Variants in PIEZO2 observed in about 807,000 individuals in gnomAD.
PIEZO2 encodes the protein piezo type mechanosensitive ion channel component 2.
Under a neutral mutation model 337.3 loss-of-function variants are expected in PIEZO2, and 172 were observed. The observed-to-expected ratio is 0.51, with a 90% CI of 0.45 to 0.58. The LOEUF is 0.58. Ranked by LOEUF, PIEZO2 falls within the 20% of genes least tolerant of loss-of-function variation. The probability of loss-of-function intolerance (pLI) is 0.00; values close to 1 mark genes in which losing one functional copy is unlikely to be tolerated. For missense variants in PIEZO2, 3,028 were observed against 3,391.3 expected (o/e 0.89, Z 2.66); for synonymous variants, 1,251 against 1,228.5 (o/e 1.02, Z -0.38).
At chr18:10,776,956 G>A (rs958028120) in intron 18 of PIEZO2, among the ~76,000 whole-genome samples, 4 of 152,132 alleles carry the variant, frequency 2.6e-5, no homozygotes, top group Admixed American at 2.0e-4. Flanking sequence ...CAGGCTTCAG[G>A]CTAAGGAACT....
rs578081508 is a variant in PIEZO2 at position 11,148,230 on chromosome 18, C to T, written c.64+295G>A. ...CCTTCCAGCCACAGCAATGGCCATC[C>T]TTAGTACACAAGTCAGTACTCCACG... On this transcript the variant is annotated intron_variant, in intron 1 of 55. Transcript: ENST00000674853. This position sits in a 1 kb window ranked among gnomAD's most constrained non-coding sequence, Gnocchi z 5.2. Among the ~76,000 whole-genome samples the T allele has an allele frequency of 6.6e-6, 1 of 152,260 alleles. No homozygotes were observed. Among genetic ancestry groups the T allele is most frequent in the East Asian group, 1.9e-4 (1 of 5,152 alleles).
intron 7 of PIEZO2, among the ~76,000 whole-genome samples, chr18:10,836,283 A>C (rs2041011385): frequency 6.6e-6 from 1 of 152,156 alleles, no homozygotes; most frequent in Non-Finnish European, 1.5e-5. Context: ...TAAGCAAACA[A>C]TCCCATCCTG....
intron 3 of PIEZO2, among the ~76,000 whole-genome samples, chr18:10,946,207 C>A (rs1449343673): frequency 6.6e-6 from 1 of 152,068 alleles, no homozygotes; most frequent in African/African-American, 2.4e-5. Context: ...AATAGAAAAT[C>A]TTAACAGCAG....
chr18:11,127,717 A>G lies in PIEZO2; in HGVS notation c.64+20808T>C, dbSNP rs1000941923. Among the ~76,000 whole-genome samples, 1 of 151,526 alleles carries G rather than the reference A, an allele frequency of 6.6e-6. No individual in the cohort carries two copies. Among genetic ancestry groups the G allele is most frequent in the Non-Finnish European group, 1.5e-5 (1 of 67,950 alleles). The stretch of plus-strand genomic sequence containing the variant: ...ATATACATATATATGTCATGTATAT[A>G]TATACACACATATATATGTATGTGT... On this transcript the variant is annotated intron_variant, in intron 1 of 55. Coordinates refer to ENST00000674853, the MANE Select transcript of PIEZO2 (RefSeq NM_001378183.1). The surrounding 1 kb of genome is among the most constrained non-coding windows in gnomAD (Gnocchi z 4.5).
In PIEZO2 at chr18:10,773,669, G is replaced by T; in HGVS notation, c.2568-40C>A. 1 of 1,521,254 alleles carries T rather than the reference G, an allele frequency of 6.6e-7. No homozygotes were observed. The highest frequency in any genetic ancestry group is 8.8e-7 in the Non-Finnish European group (1 of 1,132,880). 94.2% of individuals were successfully genotyped at this position (1,521,254 alleles called of 1,614,324 possible). On this transcript the variant is annotated intron_variant, in intron 19 of 55. Coordinates refer to ENST00000674853, the MANE Select transcript of PIEZO2 (RefSeq NM_001378183.1). This position sits in a 1 kb window ranked among gnomAD's most constrained non-coding sequence, Gnocchi z 5.3. ...CAGCTGAGTCAGAAGAGGAAAGGGT[G>T]TTGGGAGAGATTTGACTGAGGGGCA...
At position 10,750,207 on chromosome 18, in the gene PIEZO2, G is replaced by C; in HGVS notation, c.4168-20C>G. ...TCCTATCTGAAAAACAAAAGAGGGG[G>C]ATAATCCTGAAGCTCTGCAGCCAGA... On this transcript the variant is annotated intron_variant, in intron 28 of 55. Transcript: ENST00000674853. This position sits in a 1 kb window ranked among gnomAD's most constrained non-coding sequence, Gnocchi z 4.1. 1 of 1,506,876 alleles carries C rather than the reference G, an allele frequency of 6.6e-7. No homozygotes were observed. Among genetic ancestry groups the C allele is most frequent in the Non-Finnish European group, 8.9e-7 (1 of 1,119,278 alleles). The allele number at this position is 1,506,876 out of a possible 1,614,324, so 93.3% of individuals were successfully genotyped here.
intron 1 of PIEZO2, among the ~76,000 whole-genome samples, chr18:11,113,963 C>G (rs1324797135): frequency 6.6e-6 from 1 of 152,160 alleles, no homozygotes; most frequent in Non-Finnish European, 1.5e-5. Flanking sequence ...CATGTAATTT[C>G]AATAGCTACG....
chr18:10,785,339 C>G (rs994771758), intron 16 of PIEZO2, among the ~76,000 whole-genome samples: 3 of 152,202 alleles, frequency 2.0e-5, no homozygotes, highest in African/African-American at 7.2e-5. Flanking sequence ...TTTGATCTCT[C>G]TTCCAGCTGT....
chr18:11,098,244 TACACAC>T (rs150739388), intron 1 of PIEZO2, among the ~76,000 whole-genome samples: 292 of 145,736 alleles, frequency 2.0e-3, no homozygotes, highest in African/African-American at 6.2e-3. Flanking sequence ...AGAAGCAAGA[TACACAC>T]ACACACACAC....
intron 3 of PIEZO2, among the ~76,000 whole-genome samples, chr18:10,956,568 A>G (rs1380720912): frequency 6.6e-6 from 1 of 152,264 alleles, no homozygotes; most frequent in Non-Finnish European, 1.5e-5. Context: ...GACCCCAAAC[A>G]GCTAAAACAA....
At chr18:10,678,144 CT>C (rs2034097930) in intron 52 of PIEZO2, among the ~76,000 whole-genome samples, 1 of 152,194 alleles carries the variant, frequency 6.6e-6, no homozygotes, top group South Asian at 2.1e-4. Flanking sequence ...GAGAACCCAT[CT>C]TGATGTTTTA....
chr18:10,760,817 A>T (rs2038096036), intron 24 of PIEZO2, 94 bp downstream of exon 24: 1 of 968,910 alleles, frequency 1.0e-6, no homozygotes, highest in Non-Finnish European at 1.5e-6. Context: ...ATGCCTGCAG[A>T]TGTATCACAA....
At chr18:10,871,871 T>C (rs973271744) in intron 4 of PIEZO2, among the ~76,000 whole-genome samples, 2 of 152,246 alleles carry the variant, frequency 1.3e-5, no homozygotes, top group Non-Finnish European at 2.9e-5. Flanking sequence ...TTATTTTGTA[T>C]ACTTGGTTGA....
rs1467862090 is a variant in PIEZO2 at position 10,846,898 on chromosome 18, T to C, written c.917+8455A>G. Among the ~76,000 whole-genome samples the C allele has an allele frequency of 6.6e-6, 1 of 152,054 alleles. No homozygotes were observed. The highest frequency in any genetic ancestry group is 1.5e-5 in the Non-Finnish European group (1 of 67,990). ...GAGATAAGGCTAGAACTGTTGGAAATGGGGAAGTGAGTTTGAATAATAAAA... is the reference window on the plus strand; with the variant it reads ...GAGATAAGGCTAGAACTGTTGGAAACGGGGAAGTGAGTTTGAATAATAAAA... On this transcript the variant is annotated intron_variant, in intron 7 of 55. Coordinates refer to ENST00000674853, the MANE Select transcript of PIEZO2 (RefSeq NM_001378183.1). The surrounding 1 kb of genome is among the most constrained non-coding windows in gnomAD (Gnocchi z 4.1).
Position 10,766,797 on chromosome 18 carries a change from C to A in PIEZO2, c.2946+3351G>T, listed in dbSNP as rs969523328. On this transcript the variant is annotated intron_variant, in intron 21 of 55. Transcript: ENST00000674853. This position sits in a 1 kb window ranked among gnomAD's most constrained non-coding sequence, Gnocchi z 6.1. The stretch of plus-strand genomic sequence containing the variant: ...ATTCCCATCAGGCTGTGAGCTCAGA[C>A]AAGAAGTGTGTCTTTCAAGCTACTA... 6.6e-6 allele frequency among the ~76,000 whole-genome samples: 1 copy of A among 152,208 alleles called. No homozygotes were observed. Among genetic ancestry groups the A allele is most frequent in the Non-Finnish European group, 1.5e-5 (1 of 68,034 alleles).
At chr18:11,039,816 A>T (rs2037055417) in intron 2 of PIEZO2, among the ~76,000 whole-genome samples, 1 of 152,020 alleles carries the variant, frequency 6.6e-6, no homozygotes, top group Non-Finnish European at 1.5e-5. Flanking sequence ...CAGAATTAAA[A>T]ACTAGCAAAA....
chr18:10,684,154 T>C (rs2034417423), intron 49 of PIEZO2, among the ~76,000 whole-genome samples: 3 of 100,056 alleles, frequency 3.0e-5, no homozygotes, highest in Non-Finnish European at 5.5e-5. Flanking sequence ...CTGTCTTTCC[T>C]CTTTTTTTTT....
chr18:11,036,461 A>G (rs1214481191), intron 2 of PIEZO2, among the ~76,000 whole-genome samples: 1 of 152,124 alleles, frequency 6.6e-6, no homozygotes, highest in Non-Finnish European at 1.5e-5. Flanking sequence ...GACTTTGGGT[A>G]TTAATTTTAT....
chr18:10,684,400 C>T (rs954135904), intron 49 of PIEZO2, among the ~76,000 whole-genome samples: 2 of 150,274 alleles, frequency 1.3e-5, no homozygotes, highest in Non-Finnish European at 3.0e-5. Flanking sequence ...CTCCTGGCCT[C>T]GTGATCTGCC....
Sources: gnomAD v4.1 joint callset for allele counts (sites outside exome capture counted in the v4.1 genomes callset) on GRCh38, gnomAD v4.1.1 for gene constraint, Gnocchi (gnomAD v3.1) non-coding constraint, MANE v1.5 for transcripts, NCBI Gene and HGNC (gene_info 2026-07-23, HGNC 2026-07-21) for gene names.